Variants in DENND4B observed in about 807,000 individuals in gnomAD.
DENND4B encodes the protein DENN domain-containing protein 4B.
In DENND4B, 67 loss-of-function variants were observed where a neutral mutation model predicts 161.0. The ratio of observed to expected loss-of-function variants is 0.42; its 90% CI spans 0.34 to 0.51. The LOEUF is 0.51. Among genes scored for constraint, DENND4B ranks in the 20% least tolerant of loss-of-function variants. The probability of loss-of-function intolerance (pLI) is 0.08; values close to 1 mark genes in which losing one functional copy is unlikely to be tolerated. For missense variants in DENND4B, 1,481 were observed against 1,968.0 expected (o/e 0.75, Z 4.68); for synonymous variants, 753 against 813.8 (o/e 0.93, Z 1.27).
Position 153,936,214 on chromosome 1 carries a change from TG to T in DENND4B, c.2440-27del. 6.3e-7 allele frequency: 1 copy of T among 1,590,258 alleles called. No homozygotes were observed. Among genetic ancestry groups the T allele is most frequent in the East Asian group, 2.3e-5 (1 of 43,622 alleles). On this transcript the variant is annotated intron_variant, in intron 16 of 27. Transcript: ENST00000361217. This position sits in a 1 kb window ranked among gnomAD's most constrained non-coding sequence, Gnocchi z 4.1. Reference sequence around the variant, plus strand: ...CTGGGCCAGGAGAGGCACAGGACAATGGGAGACTCACTCTCAACCAAAACCA... The same window carrying T: ...CTGGGCCAGGAGAGGCACAGGACAATGGAGACTCACTCTCAACCAAAACCA...
At position 153,940,308 on chromosome 1, in the gene DENND4B, CG is replaced by C; in HGVS notation, c.1503-53del. On this transcript the variant is annotated intron_variant, in intron 10 of 27. Coordinates refer to ENST00000361217, the MANE Select transcript of DENND4B (RefSeq NM_014856.3). This position sits in a 1 kb window ranked among gnomAD's most constrained non-coding sequence, Gnocchi z 5.6. ...GTGGCGAGGCTCTGGGATAGGGTGACGGGGTTCCTTGCCAGCCTCCCTCACT... is the reference window on the plus strand; with the variant it reads ...GTGGCGAGGCTCTGGGATAGGGTGACGGGTTCCTTGCCAGCCTCCCTCACT... The C allele has an allele frequency of 6.4e-7, 1 of 1,566,640 alleles. No homozygotes were observed. Among genetic ancestry groups the C allele is most frequent in the Non-Finnish European group, 8.7e-7 (1 of 1,153,314 alleles).
chr1:153,934,160 G>T lies in DENND4B; in HGVS notation c.2916C>A (p.Pro972=). Residue 972 remains proline, a synonymous_variant, in exon 19 of 28, where the codon CCC becomes CCA. Transcript: ENST00000361217. The surrounding 1 kb of genome is among the most constrained non-coding windows in gnomAD (Gnocchi z 5.3). ...GSLGSARGAQ[P]TVEAGVAHMI... is the part of the protein sequence containing the mutation. The stretch of plus-strand genomic sequence containing the variant: ...TGTGGGCCACACCGGCCTCCACAGT[G>T]GGCTGTGCCCCTCGGGCACTGCCCA... The T allele has an allele frequency of 6.3e-7, 1 of 1,583,674 alleles. No individual in the cohort carries two copies. Among genetic ancestry groups the T allele is most frequent in the East Asian group, 2.2e-5 (1 of 44,504 alleles).
chr1:153,939,117 A>G, intron 12 of DENND4B, 72 bp from the exon 13 acceptor site: 2 of 1,552,384 alleles, frequency 1.3e-6, no homozygotes, highest in Non-Finnish European at 1.7e-6. Flanking sequence ...GCTTTTTTGA[A>G]TCTCTTCTTG....
rs1679007386 is a variant in DENND4B at position 153,932,348 on chromosome 1, G to A, written c.3852C>T (p.Gly1284=). 1 of 1,613,756 alleles carries A rather than the reference G, an allele frequency of 6.2e-7. No homozygotes were observed. The highest frequency in any genetic ancestry group is 1.3e-5 in the African/African-American group (1 of 74,930). The part of the protein sequence containing the change: ...KELESLVENE[G]SEVLALPELP... ...GTTCAGGCAACGCCAGCACCTCACT[G>A]CCCTCGTTCTCTACCAGCGACTCCA... is the stretch of plus-strand genomic sequence containing the variant. The change falls in exon 24 of 28, where the codon GGC becomes GGT. Residue 1284 remains glycine (G), a synonymous_variant. Transcript: ENST00000361217. The surrounding 1 kb of genome is among the most constrained non-coding windows in gnomAD (Gnocchi z 5.8).
chr1:153,946,010 CGG>C lies in DENND4B; in HGVS notation c.-24+289_-24+290del, dbSNP rs1679944221. 6.6e-6 allele frequency among the ~76,000 whole-genome samples: 1 copy of C among 152,184 alleles called. No individual in the cohort carries two copies. The highest frequency in any genetic ancestry group is 6.5e-5 in the Admixed American group (1 of 15,282). ...GAGGGCAGAGAAGCAGGCGCGCCGGCGGCCGAGGACGTGACGGCAGCAGCGCC... is the reference window on the plus strand; with the variant it reads ...GAGGGCAGAGAAGCAGGCGCGCCGGCCCGAGGACGTGACGGCAGCAGCGCC... On this transcript the variant is annotated intron_variant, in intron 1 of 27. Transcript: ENST00000361217. This position sits in a 1 kb window ranked among gnomAD's most constrained non-coding sequence, Gnocchi z 6.3.
At position 153,941,988 on chromosome 1, in the gene DENND4B, C is replaced by G. The variant is rs768042340; in HGVS notation, c.936G>C (p.Val312=). Residue 312 remains valine, a synonymous_variant, in exon 6 of 28, where the codon GTG becomes GTC. Coordinates refer to ENST00000361217, the MANE Select transcript of DENND4B (RefSeq NM_014856.3). The stretch of plus-strand genomic sequence containing the variant: ...GCACAGCGATGGCACGCCGGCTGCG[C>G]ACAGCTCTGCCCCCCAGTGCCCGAC... The part of the protein sequence containing the change: ...ERGRALGGRA[V]RSRRAIAVLS... 6.2e-7 allele frequency: 1 copy of G among 1,612,332 alleles called. No homozygotes were observed. The highest frequency in any genetic ancestry group is 1.3e-5 in the African/African-American group (1 of 75,022).
At position 153,934,386 on chromosome 1, in the gene DENND4B, G is replaced by C. The variant is rs1679192346; in HGVS notation, c.2774-84C>G. 2 of 1,459,672 alleles carry C rather than the reference G, an allele frequency of 1.4e-6. No homozygotes were observed. The highest frequency in any genetic ancestry group is 2.6e-5 in the South Asian group (2 of 76,158). 90.4% of individuals were successfully genotyped at this position (1,459,672 alleles called of 1,614,324 possible). On this transcript the variant is annotated intron_variant, in intron 18 of 27. Transcript: ENST00000361217. The surrounding 1 kb of genome is among the most constrained non-coding windows in gnomAD (Gnocchi z 5.3). ...AAAATAGAGCTCCTTAGATGGACCAGGGTTTGCAGGGTTCCTCCCAGGCAA... is the reference window on the plus strand; with the variant it reads ...AAAATAGAGCTCCTTAGATGGACCACGGTTTGCAGGGTTCCTCCCAGGCAA...
Position 153,937,637 on chromosome 1 carries a change from C to T in DENND4B, c.2106-23G>A, listed in dbSNP as rs1557852419. ...TAGCTGGAGGGGCAGAGAGAAGCAACATCGGGGCAGTCAGCACAGGGCGAA... is the reference window on the plus strand; with the variant it reads ...TAGCTGGAGGGGCAGAGAGAAGCAATATCGGGGCAGTCAGCACAGGGCGAA... On this transcript the variant is annotated intron_variant, in intron 14 of 27. Coordinates refer to ENST00000361217, the MANE Select transcript of DENND4B (RefSeq NM_014856.3). This position sits in a 1 kb window ranked among gnomAD's most constrained non-coding sequence, Gnocchi z 4.7. 6.2e-7 allele frequency: 1 copy of T among 1,611,598 alleles called. No homozygotes were observed. Among genetic ancestry groups the T allele is most frequent in the South Asian group, 1.1e-5 (1 of 90,904 alleles).
At chr1:153,931,189 A>G in intron 24 of DENND4B, 125 bp from the exon 25 acceptor site, 1 of 745,706 alleles carries the variant, frequency 1.3e-6, no homozygotes, top group East Asian at 2.7e-5. Flanking sequence ...GAAGTGGGAA[A>G]GGAATTCTTA....
Position 153,946,537 on chromosome 1 carries a change from C to G in DENND4B, c.-260G>C, listed in dbSNP as rs1320305438. The G allele has an allele frequency of 2.6e-6, 1 of 390,046 alleles. No individual in the cohort carries two copies. Among genetic ancestry groups the G allele is most frequent in the African/African-American group, 2.1e-5 (1 of 48,222 alleles). 24.2% of individuals were successfully genotyped at this position (390,046 alleles called of 1,614,324 possible). On this transcript the variant is annotated 5_prime_UTR_variant, in exon 1 of 28. Transcript: ENST00000361217. The surrounding 1 kb of genome is among the most constrained non-coding windows in gnomAD (Gnocchi z 6.3). ...CCCGCCGCGCTGCGCCACGCGGGGACTGTGCTGCCGCGCTGCTCGCTCGGC... is the reference window on the plus strand; with the variant it reads ...CCCGCCGCGCTGCGCCACGCGGGGAGTGTGCTGCCGCGCTGCTCGCTCGGC...
rs756285316 is a variant in DENND4B at position 153,929,773 on chromosome 1, C to G, written c.*524G>C. 6.6e-6 allele frequency: 1 copy of G among 152,560 alleles called. No homozygotes were observed. The highest frequency in any genetic ancestry group is 1.5e-5 in the Non-Finnish European group (1 of 68,424). 9.5% of individuals were successfully genotyped at this position (152,560 alleles called of 1,614,324 possible). ...TCACTCTCCATAAGAACCTCATAAG[C>G]AAGGGGGCTGTGGCTCCAGAATAAA... On this transcript the variant is annotated 3_prime_UTR_variant, in exon 28 of 28. Coordinates refer to ENST00000361217, the MANE Select transcript of DENND4B (RefSeq NM_014856.3).
At position 153,939,788 on chromosome 1, in the gene DENND4B, C is replaced by T; in HGVS notation, c.1620G>A (p.Glu540=). The T allele has an allele frequency of 6.2e-7, 1 of 1,613,866 alleles. No homozygotes were observed. Among genetic ancestry groups the T allele is most frequent in the Non-Finnish European group, 8.5e-7 (1 of 1,179,878 alleles). ...QQLDQTYTGP[E]EEASLEFLLT... ...GTAGGAACTCCAGGGATGCTTCCTC[C>T]TCAGGTCCAGTGTATGCTGGAGGCC... is the stretch of plus-strand genomic sequence containing the variant. The change falls in exon 12 of 28, where the codon GAG becomes GAA. Residue 540 remains glutamate, a synonymous_variant. Coordinates refer to ENST00000361217, the MANE Select transcript of DENND4B (RefSeq NM_014856.3).
At position 153,934,947 on chromosome 1, in the gene DENND4B, C is replaced by T; in HGVS notation, c.2586G>A (p.Lys862=). The T allele has an allele frequency of 6.2e-7, 1 of 1,612,020 alleles. No individual in the cohort carries two copies. The highest frequency in any genetic ancestry group is 1.1e-5 in the South Asian group (1 of 91,084). Residue 862 remains lysine, a synonymous_variant, in exon 18 of 28, where the codon AAG becomes AAA. Transcript: ENST00000361217. The surrounding 1 kb of genome is among the most constrained non-coding windows in gnomAD (Gnocchi z 5.3). ...GCCCACCTGGTGTGCCAGACGGCCA[C>T]TTGCTTTCCAACACAGCCTACCAAG... The part of the protein sequence containing the change: ...GYYNKAVLES[K]WPSGTPGGRL...
intron 2 of DENND4B, 61 bp downstream of exon 2, chr1:153,943,997 C>T: frequency 6.7e-7 from 1 of 1,488,378 alleles, no homozygotes; most frequent in Non-Finnish European, 8.9e-7. Flanking sequence ...TCCTACCTCT[C>T]CCTGTCTCAC....
At chr1:153,935,633 C>T (rs1483825656) in intron 17 of DENND4B, among the ~76,000 whole-genome samples, 1 of 152,270 alleles carries the variant, frequency 6.6e-6, no homozygotes, top group African/African-American at 2.4e-5. Context: ...AGGCATGAGC[C>T]ACTGCACCCA....
Position 153,940,423 on chromosome 1 carries a change from C to G in DENND4B, c.1502+8G>C. The G allele has an allele frequency of 6.2e-7, 1 of 1,610,724 alleles. No homozygotes were observed. Among genetic ancestry groups the G allele is most frequent in the Non-Finnish European group, 8.5e-7 (1 of 1,178,372 alleles). ...CCTGCAGCCCCCAAATGAGACCCAG[C>G]CTCTTACTGGAAGAGCGTGTTGGTA... On this transcript the variant is annotated splice_region_variant and intron_variant, in intron 10 of 27. Transcript: ENST00000361217. The surrounding 1 kb of genome is among the most constrained non-coding windows in gnomAD (Gnocchi z 5.6).
At chr1:153,939,988 C>G in intron 11 of DENND4B, 168 bp downstream of exon 11, 1 of 813,458 alleles carries the variant, frequency 1.2e-6, no homozygotes, top group Non-Finnish European at 1.9e-6. Flanking sequence ...TACTGTCTGC[C>G]CTTCCTTCTA....
Position 153,942,254 on chromosome 1 carries a change from G to A in DENND4B, c.743C>T (p.Pro248Leu), listed in dbSNP as rs1348389517. 1.2e-6 allele frequency: 2 copies of A among 1,614,020 alleles called. No individual in the cohort carries two copies. The highest frequency in any genetic ancestry group is 1.1e-5 in the South Asian group (1 of 91,090). ...GGGCACGGGGTACTTGGTCTGGGCA[G>A]GCCAGCACTCGATAGTGGCCCCCAT... ...LPMGATIECW[P>L]AQTKYPVPVF... Residue 248 changes from proline to leucine, a missense_variant, in exon 5 of 28, where the codon CCT (proline) becomes CTT (leucine). Physicochemically the swap from Pro to Leu is moderately conservative, Grantham distance 98. Around this residue, in one of 3 missense-constraint regions of DENND4B, gnomAD observed 806 missense variants for 1,134.4 expected, o/e 0.71. Coordinates refer to ENST00000361217, the MANE Select transcript of DENND4B (RefSeq NM_014856.3). This position sits in a 1 kb window ranked among gnomAD's most constrained non-coding sequence, Gnocchi z 6.9.
chr1:153,937,520 G>C lies in DENND4B; in HGVS notation c.2200C>G (p.Pro734Ala). 1 of 1,590,948 alleles carries C rather than the reference G, an allele frequency of 6.3e-7. No individual in the cohort carries two copies. Among genetic ancestry groups the C allele is most frequent in the Middle Eastern group, 1.7e-4 (1 of 6,016 alleles). Residue 734 changes from proline to alanine, a missense_variant, in exon 15 of 28, where the codon CCC (proline) becomes GCC (alanine). Physicochemically the swap from Pro to Ala is conservative, Grantham distance 27. Coordinates refer to ENST00000361217, the MANE Select transcript of DENND4B (RefSeq NM_014856.3). The surrounding 1 kb of genome is among the most constrained non-coding windows in gnomAD (Gnocchi z 4.7). The part of the protein sequence containing the change: ...LPVPGPSRSA[P>A]SSPAPRRTKQ... ...GTACGGCGAGGAGCAGGACTGCTGG[G>C]GGCGCTACGGGAAGGGCCTGGCACA... is the stretch of plus-strand genomic sequence containing the variant.
Sources: gnomAD v4.1 joint callset for allele counts (sites outside exome capture counted in the v4.1 genomes callset) on GRCh38, gnomAD v4.1.1 for gene constraint, gnomAD v4.1.1 regional missense constraint, Gnocchi (gnomAD v3.1) non-coding constraint, MANE v1.5 for transcripts, NCBI Gene and HGNC (gene_info 2026-07-23, HGNC 2026-07-21) for gene names.